The following CDH13 variants were observed in gnomAD, a reference collection of about 807,000 sequenced individuals.
CDH13 encodes cadherin 13.
Under a neutral mutation model 63.8 loss-of-function variants are expected in CDH13, and 24 were observed. The ratio of observed to expected loss-of-function variants is 0.38; its 90% CI spans 0.27 to 0.53. The LOEUF (loss-of-function observed/expected upper bound fraction) is 0.53, where lower values mean the gene tolerates loss of function less well. CDH13 is among the 20% of genes least tolerant of loss of function. CDH13 has a pLI of 0.85. For missense variants in CDH13, 1,049 were observed against 903.1 expected (o/e 1.16, Z -2.07); for synonymous variants, 503 against 355.3 (o/e 1.42, Z -4.67).
rs571318925 is a variant in CDH13 at position 83,358,758 on chromosome 16, A to C, written c.781+13752A>C. Reference sequence around the variant, plus strand: ...ATCAGAAAATTGAGTCTTTATTGGAACAAAAATGGTCTTTGTCTCCTCTGT... The same window carrying C: ...ATCAGAAAATTGAGTCTTTATTGGACCAAAAATGGTCTTTGTCTCCTCTGT... On this transcript the variant is annotated intron_variant, in intron 6 of 13. Transcript: ENST00000567109. Among the ~76,000 whole-genome samples the C allele has an allele frequency of 7.1e-4, 108 of 152,244 alleles. No homozygotes were observed. In the Middle Eastern group the frequency reaches 0.01, roughly 14 times the overall value.
At chr16:82,654,963 A>G (rs535663733) in intron 1 of CDH13, among the ~76,000 whole-genome samples, 113 of 152,312 alleles carry the variant, frequency 7.4e-4, no homozygotes, top group African/African-American at 2.6e-3. Flanking sequence ...ATAGCAAATA[A>G]ACTGTGGAGC....
At chr16:83,200,922 TGTGTGTG>T (rs1567501229) in intron 4 of CDH13, among the ~76,000 whole-genome samples, 2 of 13,722 alleles carry the variant, frequency 1.5e-4, no homozygotes, top group Non-Finnish European at 1.4e-4. Flanking sequence ...GTCTTAAAAA[TGTGTGTG>T]TGTGTGTGTG....
chr16:83,742,694 T>G (rs1464329562), intron 10 of CDH13, among the ~76,000 whole-genome samples: 1 of 152,238 alleles, frequency 6.6e-6, no homozygotes, highest in East Asian at 1.9e-4. Context: ...TCCGTGGTCT[T>G]GAGCTGTTCT....
In CDH13 at chr16:83,570,758, T is replaced by G. The variant is rs373022626; in HGVS notation, c.961-31696T>G. On this transcript the variant is annotated intron_variant, in intron 7 of 13. Transcript: ENST00000567109. ...TTCTATATATTTTATAAAAATTATA[T>G]ATTTATATATATGAATAAAATATAT... Among the ~76,000 whole-genome samples the G allele has an allele frequency of 1.3e-4, 18 of 143,716 alleles. No homozygotes were observed. The East Asian group carries it at 3.3e-3, about 27-fold the overall frequency. 94.3% of individuals were successfully genotyped at this position (143,716 alleles called of 152,430 possible).
intron 13 of CDH13, among the ~76,000 whole-genome samples, chr16:83,791,288 G>A (rs1030438179): frequency 1.3e-5 from 2 of 152,186 alleles, no homozygotes; most frequent in Non-Finnish European, 2.9e-5. Context: ...CCTGAGGTCA[G>A]GATTTCGAGA....
At chr16:83,197,527 C>G (rs1597499956) in intron 4 of CDH13, among the ~76,000 whole-genome samples, 1 of 152,136 alleles carries the variant, frequency 6.6e-6, no homozygotes, top group East Asian at 1.9e-4. Flanking sequence ...ATTAAACACC[C>G]CTTCGTCTCC....
chr16:83,437,698 A>G (rs1046304634), intron 6 of CDH13, among the ~76,000 whole-genome samples: 3 of 152,166 alleles, frequency 2.0e-5, no homozygotes, highest in African/African-American at 4.8e-5. Flanking sequence ...ATTAAAAAAA[A>G]TAAAGGCTTC....
chr16:83,104,930 G>T (rs1445717034), intron 3 of CDH13, among the ~76,000 whole-genome samples: 1 of 152,204 alleles, frequency 6.6e-6, no homozygotes, highest in African/African-American at 2.4e-5. Context: ...CAAGGGCAGT[G>T]CTCTGCATCT....
chr16:83,135,896 TTATTC>T (rs1567864662), intron 4 of CDH13, among the ~76,000 whole-genome samples: 1 of 152,160 alleles, frequency 6.6e-6, no homozygotes, highest in East Asian at 1.9e-4. Context: ...TTGGAGACTA[TTATTC>T]TAAGTGAAGT....
chr16:83,423,686 A>G (rs1011439396), intron 6 of CDH13, among the ~76,000 whole-genome samples: 2 of 152,224 alleles, frequency 1.3e-5, no homozygotes, highest in Non-Finnish European at 2.9e-5. Flanking sequence ...TTGCAGTGGA[A>G]TTCTTTAGTA....
intron 2 of CDH13, among the ~76,000 whole-genome samples, chr16:82,900,195 G>C (rs1324681232): frequency 2.0e-5 from 3 of 152,102 alleles, no homozygotes; most frequent in Non-Finnish European, 4.4e-5. Context: ...TTTATTCCTG[G>C]TGGACAGAAA....
chr16:82,975,649 C>G (rs565881345), intron 2 of CDH13, among the ~76,000 whole-genome samples: 5 of 152,304 alleles, frequency 3.3e-5, no homozygotes, highest in Non-Finnish European at 7.3e-5. Context: ...ATTACAGTTT[C>G]TTACATTCCT....
intron 5 of CDH13, among the ~76,000 whole-genome samples, chr16:83,288,112 C>T (rs528109001): frequency 1.6e-4 from 25 of 152,230 alleles, no homozygotes; most frequent in African/African-American, 5.1e-4. Flanking sequence ...GCAGTAATTG[C>T]GATTTTTAAA....
intron 6 of CDH13, among the ~76,000 whole-genome samples, chr16:83,383,497 C>G (rs1262169756): frequency 6.6e-6 from 1 of 152,156 alleles, no homozygotes; most frequent in Non-Finnish European, 1.5e-5. Flanking sequence ...GGAGTGATTT[C>G]CTTTTTCCAT....
intron 6 of CDH13, among the ~76,000 whole-genome samples, chr16:83,454,587 T>C (rs2072970995): frequency 6.6e-6 from 1 of 152,202 alleles, no homozygotes; most frequent in African/African-American, 2.4e-5. Context: ...GTCCATCAAG[T>C]AGCTGAGTCT....
Position 83,492,831 on chromosome 16 carries a change from G to C in CDH13, c.960+6176G>C, listed in dbSNP as rs114754481. ...CCACTCTGGATAAATTCTAGAAGAA[G>C]ACCTTGATGAGTCTCAGGACTCCAC... On this transcript the variant is annotated intron_variant, in intron 7 of 13. Transcript: ENST00000567109. 3.1e-3 allele frequency among the ~76,000 whole-genome samples: 467 copies of C among 152,250 alleles called. 2 individuals are homozygous for C. The highest frequency in any genetic ancestry group is 0.011 in the African/African-American group (455 of 41,552).
intron 6 of CDH13, among the ~76,000 whole-genome samples, chr16:83,362,115 G>C (rs776429485): frequency 1.5e-4 from 23 of 152,048 alleles, no homozygotes; most frequent in Non-Finnish European, 3.1e-4. Context: ...CCCTCTAACA[G>C]ACCTGCTCAT....
At chr16:82,885,478 T>TCCATCCAC (rs2040855576) in intron 2 of CDH13, among the ~76,000 whole-genome samples, 1 of 102,000 alleles carries the variant, frequency 9.8e-6, no homozygotes, top group South Asian at 3.8e-4. Flanking sequence ...CATCCATCCA[T>TCCATCCAC]CCACCCATCC....
rs184085993 is a variant in CDH13, at chr16:82,915,158, G to C, written c.157+56685G>C. On this transcript the variant is annotated intron_variant, in intron 2 of 13. Transcript: ENST00000567109. ...CTCTGCAAAATGGTCTAATTTGGTG[G>C]TTATAGCGCTAGTATTGTATGTACA... 1.6e-4 allele frequency among the ~76,000 whole-genome samples: 24 copies of C among 152,308 alleles called. No individual in the cohort carries two copies. The East Asian group carries it at 4.2e-3, about 27-fold the overall frequency.
Sources: allele counts gnomAD v4.1 joint callset (sites outside exome capture counted in the v4.1 genomes callset), GRCh38; gene constraint gnomAD v4.1.1; transcripts MANE v1.5; gene names NCBI Gene and HGNC (gene_info 2026-07-23, HGNC 2026-07-21).